HYI: variants seen among roughly 807,000 people sequenced by gnomAD.
The protein encoded by HYI is putative hydroxypyruvate isomerase.
HYI carries 47 observed loss-of-function variants against 39.7 expected under a neutral mutation model. The observed-to-expected ratio is 1.18, with a 90% CI of 0.94 to 1.51. The LOEUF (loss-of-function observed/expected upper bound fraction) is 1.51. HYI is among the 40% of genes most tolerant of loss of function. HYI has a pLI of 0.00. For synonymous variants in HYI, 186 were observed against 158.8 expected (o/e 1.17, Z -1.29); for missense variants, 465 against 370.3 (o/e 1.26, Z -2.10).
intron 2 of HYI, chr1:43,453,178 A>C: frequency 1.5e-6 from 1 of 650,206 alleles, no homozygotes; most frequent in Non-Finnish European, 2.8e-6. Context: ...ATGGGATCCC[A>C]GCATGGGGTG....
chr1:43,453,359 G>A (rs764485556), intron 2 of HYI, 27 bp downstream of exon 2: 27 of 1,451,684 alleles, frequency 1.9e-5, no homozygotes, highest in Non-Finnish European at 2.5e-5. Flanking sequence ...TGGGTCACAG[G>A]GGTGGGGGTG....
rs369202426 is a variant in HYI, at chr1:43,451,552, C to T, written c.626-8G>A. 7.4e-6 allele frequency: 12 copies of T among 1,613,414 alleles called. No homozygotes were observed. In the Admixed American group the frequency reaches 1.5e-4, roughly 20 times the overall value. On this transcript the variant is annotated splice_region_variant and splice_polypyrimidine_tract_variant and intron_variant, in intron 6 of 7. Transcript: ENST00000372430. ...GTGCCACCTGCACATGCCCTGGGGA[C>T]AGATGTGGACAAATGTGGGGTCCAG...
downstream of HYI, chr1:43,450,955 GC>G (rs754593101): frequency 3.9e-6 from 3 of 760,790 alleles, no homozygotes; most frequent in Non-Finnish European, 7.2e-6. The surrounding 1 kb of genome is among the most constrained non-coding windows in gnomAD (Gnocchi z 4.3). Flanking sequence ...TCCCAGCTCT[GC>G]CTTTGAAGCA....
At chr1:43,451,340 C>T (rs1293024684) in intron 7 of HYI, 29 bp from the exon 8 acceptor site, 5 of 1,613,020 alleles carry the variant, frequency 3.1e-6, no homozygotes, top group Non-Finnish European at 4.2e-6. Context: ...CTCGGCACCT[C>T]AGCCCACAAG....
Position 43,451,424 on chromosome 1 carries a change from TCA to T in HYI, c.744_745del (p.Cys248Ter), listed in dbSNP as rs765771627. The T allele has an allele frequency of 3.7e-6, 6 of 1,613,154 alleles. No individual in the cohort carries two copies. The Admixed American group carries it at 6.7e-5, about 18-fold the overall frequency. On this transcript the variant is annotated stop_gained and frameshift_variant, in exon 7 of 8. Coordinates refer to ENST00000372430, the MANE Select transcript of HYI (RefSeq NM_001190880.3). LOFTEE classifies it high-confidence loss of function. ...CCACGCCTCACCTCGAGGCTGATAC[TCA>T]CAGCCCACGAAGCCTTTGTAGCCTT...
chr1:43,452,966 G>A, intron 2 of HYI: 1 of 1,609,540 alleles, frequency 6.2e-7, no homozygotes, highest in East Asian at 2.2e-5. Flanking sequence ...ACCCTTGCAA[G>A]GAACACTCAA....
In HYI at chr1:43,451,780, G is replaced by C. The variant is rs755090595; in HGVS notation, c.555+18C>G. On this transcript the variant is annotated intron_variant, in intron 5 of 7. Coordinates refer to ENST00000372430, the MANE Select transcript of HYI (RefSeq NM_001190880.3). ...CCCCGCCCTCCTTCCGATCTGCGAA[G>C]TACCCCCTTCCACTTACCATTTGTA... The C allele has an allele frequency of 1.2e-6, 2 of 1,613,948 alleles. No homozygotes were observed. The highest frequency in any genetic ancestry group is 1.7e-6 in the Non-Finnish European group (2 of 1,179,990).
chr1:43,452,163 C>T, intron 3 of HYI, 42 bp downstream of exon 3: 1 of 1,551,266 alleles, frequency 6.4e-7, no homozygotes, highest in South Asian at 1.1e-5. Context: ...TCCGCACACC[C>T]ACAGAGACAT....
chr1:43,450,806 CT>C, downstream of HYI: 1 of 709,032 alleles, frequency 1.4e-6, no homozygotes, highest in Non-Finnish European at 2.6e-6. The surrounding 1 kb of genome is among the most constrained non-coding windows in gnomAD (Gnocchi z 4.3). Flanking sequence ...CAAACACCCC[CT>C]AGAGCTCCTC....
chr1:43,451,424 T>C lies in HYI; in HGVS notation c.746A>G (p.Glu249Gly). 6.2e-7 allele frequency: 1 copy of C among 1,613,154 alleles called. No homozygotes were observed. The highest frequency in any genetic ancestry group is 8.5e-7 in the Non-Finnish European group (1 of 1,179,910). Reference sequence around the variant, plus strand: ...CCACGCCTCACCTCGAGGCTGATACTCACAGCCCACGAAGCCTTTGTAGCC... The same window carrying C: ...CCACGCCTCACCTCGAGGCTGATACCCACAGCCCACGAAGCCTTTGTAGCC... The part of the protein sequence containing the change: ...DEGYKGFVGC[E>G]YQPRGDTVEG... Residue 249 changes from glutamate (E) to glycine (G), a missense_variant, in exon 7 of 8, where the codon GAG (glutamate) becomes GGG (glycine). Physicochemically the swap from Glu to Gly is moderately conservative, Grantham distance 98. Transcript: ENST00000372430.
At position 43,451,013 on chromosome 1, in the gene HYI, C is replaced by T. The variant is rs144470687; in HGVS notation, c.*225G>A. On this transcript the variant is annotated 3_prime_UTR_variant, in exon 8 of 8. Transcript: ENST00000372430. ...CTTTGCTCTCGGACCCTGGGTTTCT[C>T]ATCCTTTAATGAGGTGGGTTCAGAA... 1,667 of 769,478 alleles carry T rather than the reference C, an allele frequency of 2.2e-3. 17 individuals are homozygous for T. The African/African-American group carries it at 0.025, about 11-fold the overall frequency. The allele number at this position is 769,478 out of a possible 1,614,324, so 47.7% of individuals were successfully genotyped here.
chr1:43,451,453 A>G lies in HYI; in HGVS notation c.717T>C (p.Asp239=), dbSNP rs774554002. 2 of 1,614,070 alleles carry G rather than the reference A, an allele frequency of 1.2e-6. No homozygotes were observed. The highest frequency in any genetic ancestry group is 1.1e-5 in the South Asian group (1 of 91,088). ...NFPYLFQLLE[D]EGYKGFVGCE... is the part of the protein sequence containing the mutation. ...AGCCCACGAAGCCTTTGTAGCCTTC[A>G]TCTTCCAGCAGTTGAAACAGATAGG... The change falls in exon 7 of 8, where the codon GAT becomes GAC. Residue 239 remains aspartate (D), a synonymous_variant. Transcript: ENST00000372430.
chr1:43,453,340 T>G, intron 2 of HYI, 46 bp downstream of exon 2: 1 of 1,260,946 alleles, frequency 7.9e-7, no homozygotes, highest in Non-Finnish European at 1.1e-6. Flanking sequence ...TGAACCTGCA[T>G]CAGGGTCATG....
chr1:43,453,663 G>A lies in HYI; in HGVS notation c.131C>T (p.Thr44Met). 2 of 1,484,610 alleles carry A rather than the reference G, an allele frequency of 1.3e-6. No individual in the cohort carries two copies. The highest frequency in any genetic ancestry group is 8.9e-7 in the Non-Finnish European group (1 of 1,125,518). 92.0% of individuals were successfully genotyped at this position (1,484,610 alleles called of 1,614,324 possible). A position where few individuals can be genotyped will look rare whatever the true frequency, so the allele number is the denominator to read the frequency against. Reference protein sequence around the residue: ...AVEVAWPYAETPEALARAARE... With the variant: ...AVEVAWPYAEMPEALARAARE... ...CGCGGCGCGCGCCAGCGCCTCAGGCGTCTCCGCGTACGGCCAGGCCACCTC... is the reference window on the plus strand; with the variant it reads ...CGCGGCGCGCGCCAGCGCCTCAGGCATCTCCGCGTACGGCCAGGCCACCTC... The change falls in exon 1 of 8, where the codon ACG becomes ATG. Residue 44 changes from threonine (T) to methionine (M), a missense_variant. Transcript: ENST00000372430.
chr1:43,453,749 G>C lies in HYI; in HGVS notation c.45C>G (p.Pro15=). 5 of 1,382,942 alleles carry C rather than the reference G, an allele frequency of 3.6e-6. No individual in the cohort carries two copies. The highest frequency in any genetic ancestry group is 4.6e-6 in the Non-Finnish European group (5 of 1,080,354). The allele number at this position is 1,382,942 out of a possible 1,614,324, so 85.7% of individuals were successfully genotyped here. A position where few individuals can be genotyped will look rare whatever the true frequency, so the allele number is the denominator to read the frequency against. Residue 15 remains proline, a synonymous_variant, in exon 1 of 8, where the codon CCC becomes CCG. Transcript: ENST00000372430. ...CCCGCGCGGGGAGGCCGGAGAGCTC[G>C]GGGAATAGCCAGGACAGATTGGCGG... ...RFSANLSWLF[P]ELSGLPARVR...
At chr1:43,453,294 C>A in intron 2 of HYI, 92 bp downstream of exon 2, 2 of 832,712 alleles carry the variant, frequency 2.4e-6, no homozygotes, top group South Asian at 1.7e-5. Context: ...TGGGCTCAGA[C>A]TTCTGAGCGT....
downstream of HYI, chr1:43,450,740 T>TCTGGGGTACTCCTTTCGGCCCCC (rs1426791282): frequency 7.1e-6 from 5 of 701,458 alleles, no homozygotes; most frequent in Non-Finnish European, 1.3e-5. The surrounding 1 kb of genome is among the most constrained non-coding windows in gnomAD (Gnocchi z 4.3). Flanking sequence ...CTTGGGCCCT[T>TCTGGGGTACTCCTTTCGGCCCCC]CTGGGGTACT....
Position 43,453,915 on chromosome 1 carries a change from TG to T in HYI, c.-123del. The stretch of plus-strand genomic sequence containing the variant: ...CCTGCGAACGAACGAGCACTGTTCG[TG>T]GTTAGAAAAGCGAAGTGCTGTAAAA... On this transcript the variant is annotated 5_prime_UTR_variant, in exon 1 of 8. Coordinates refer to ENST00000372430, the MANE Select transcript of HYI (RefSeq NM_001190880.3). 8.3e-7 allele frequency: 1 copy of T among 1,209,248 alleles called. No homozygotes were observed. The highest frequency in any genetic ancestry group is 3.4e-5 in the East Asian group (1 of 29,062). 74.9% of individuals were successfully genotyped at this position (1,209,248 alleles called of 1,614,324 possible).
intron 3 of HYI, 59 bp downstream of exon 3, chr1:43,452,144 ACC>A (rs1281356123): frequency 1.3e-5 from 20 of 1,505,840 alleles, no homozygotes; most frequent in Non-Finnish European, 1.6e-5. Flanking sequence ...CCCACTGTGC[ACC>A]CCCTTCTCCG....
Sources: gnomAD v4.1 joint callset for allele counts on GRCh38, gnomAD v4.1.1 for gene constraint, Gnocchi (gnomAD v3.1) non-coding constraint, MANE v1.5 for transcripts, NCBI Gene and HGNC (gene_info 2026-07-23, HGNC 2026-07-21) for gene names.